Variants in DNM1L observed in about 807,000 individuals in gnomAD.
DNM1L encodes dynamin-1-like protein.
DNM1L carries 33 observed loss-of-function variants against 92.8 expected under a neutral mutation model. The ratio of observed to expected loss-of-function variants is 0.36; its 90% CI spans 0.27 to 0.48. The LOEUF (loss-of-function observed/expected upper bound fraction) is 0.48, where lower values mean the gene tolerates loss of function less well. Among genes scored for constraint, DNM1L ranks in the 20% least tolerant of loss-of-function variants. The pLI is 0.99. For synonymous variants in DNM1L, 284 were observed against 305.0 expected, an observed-to-expected ratio of 0.93 and a Z score of 0.72; for missense variants, 485 against 888.8, an observed-to-expected ratio of 0.55 and a Z score of 5.78.
chr12:32,729,233 T>C (rs1398934749), intron 9 of DNM1L, among the ~76,000 whole-genome samples: 2 of 151,822 alleles, frequency 1.3e-5, no homozygotes, highest in Non-Finnish European at 2.9e-5. Flanking sequence ...AGGCGCGCAC[T>C]ACTATGCCCG....
At position 32,701,520 on chromosome 12, in the gene DNM1L, G is replaced by T. The variant is rs1952699946; in HGVS notation, c.208G>T (p.Val70Phe). The T allele has an allele frequency of 6.2e-7, 1 of 1,613,838 alleles. No individual in the cohort carries two copies. Among genetic ancestry groups the T allele is most frequent in the Admixed American group, 1.7e-5 (1 of 59,994 alleles). Residue 70 changes from valine to phenylalanine, a missense_variant, in exon 2 of 20, where the codon GTT (valine) becomes TTT (phenylalanine). This residue lies in a region of DNM1L where 159 missense variants were observed against 275.9 expected (regional missense o/e 0.58). Coordinates refer to ENST00000549701, the MANE Select transcript of DNM1L (RefSeq NM_012062.5). The part of the protein sequence containing the change: ...RRPLILQLVH[V>F]SQEDKRKTTG... ...ACCTCTCATTCTGCAACTGGTCCAT[G>T]TTTCACAAGAAGATAAACGGAAAAC...
At chr12:32,723,863 G>GT (rs1953936959) in intron 9 of DNM1L, among the ~76,000 whole-genome samples, 1 of 152,144 alleles carries the variant, frequency 6.6e-6, no homozygotes, top group Non-Finnish European at 1.5e-5. Flanking sequence ...AGGATTTCCA[G>GT]TAGTAAGTTA....
intron 6 of DNM1L, among the ~76,000 whole-genome samples, chr12:32,716,596 G>A (rs1369061638): frequency 2.0e-5 from 3 of 151,896 alleles, no homozygotes; most frequent in Non-Finnish European, 4.4e-5. Flanking sequence ...TAGGATTACA[G>A]GCATGGGCCA....
rs1227905101 is a variant in DNM1L at position 32,745,046 on chromosome 12, C to T, written c.*1636C>T. The T allele has an allele frequency of 2.0e-6, 1 of 508,886 alleles. No individual in the cohort carries two copies. The highest frequency in any genetic ancestry group is 1.4e-5 in the South Asian group (1 of 69,380). The allele number at this position is 508,886 out of a possible 1,614,324, so 31.5% of individuals were successfully genotyped here. On this transcript the variant is annotated 3_prime_UTR_variant, in exon 20 of 20. Coordinates refer to ENST00000549701, the MANE Select transcript of DNM1L (RefSeq NM_012062.5). ...CTTATGGCATCAATTTACTAAGGAA[C>T]AACAGGCTCACCAACTGATGTCAAA...
chr12:32,679,811 G>A, intron 1 of DNM1L: 1 of 1,018,806 alleles, frequency 9.8e-7, no homozygotes, highest in South Asian at 4.6e-5. Flanking sequence ...GCGTGCCGCT[G>A]CCTCCAAGGG....
At chr12:32,742,888 CTTTTTT>C (rs36039451) in intron 19 of DNM1L, 140 bp downstream of exon 19, 621 of 247,844 alleles carry the variant, frequency 2.5e-3, no homozygotes, top group South Asian at 5.1e-3. Context: ...TGATAAGAAT[CTTTTTT>C]TTTTTTTTTT....
intron 9 of DNM1L, among the ~76,000 whole-genome samples, chr12:32,724,794 C>T (rs1330788629): frequency 6.6e-6 from 1 of 150,830 alleles, no homozygotes; most frequent in African/African-American, 2.4e-5. Flanking sequence ...AGTGTCAACA[C>T]TGGCATTACA....
At chr12:32,727,517 T>G in intron 9 of DNM1L, 1 of 551,270 alleles carries the variant, frequency 1.8e-6, no homozygotes. Flanking sequence ...AGAGACCCTA[T>G]CTCTGAAAAT....
chr12:32,716,465 A>G lies in DNM1L; in HGVS notation c.620-2178A>G, dbSNP rs1268635805. Reference sequence around the variant, plus strand: ...TCCCACCTCAGCCTCACCTGTAGCTAGGACTACCACACCCTGCTACGTTTT... The same window carrying G: ...TCCCACCTCAGCCTCACCTGTAGCTGGGACTACCACACCCTGCTACGTTTT... On this transcript the variant is annotated intron_variant, in intron 6 of 19. Transcript: ENST00000549701. Among the ~76,000 whole-genome samples the G allele has an allele frequency of 2.6e-5, 4 of 152,014 alleles. No homozygotes were observed. The East Asian group carries it at 5.8e-4, about 22-fold the overall frequency.
intron 7 of DNM1L, 50 bp downstream of exon 7, chr12:32,718,813 G>C: frequency 6.2e-7 from 1 of 1,606,946 alleles, no homozygotes; most frequent in Non-Finnish European, 8.5e-7. Flanking sequence ...CTTAGAATGG[G>C]ATAAGCATTC....
chr12:32,737,742 T>G (rs552496486), intron 14 of DNM1L, 123 bp from the exon 15 acceptor site: 1 of 777,260 alleles, frequency 1.3e-6, no homozygotes, highest in Non-Finnish European at 2.2e-6. Flanking sequence ...CTCCCATGAT[T>G]ATTTTCATCT....
At chr12:32,681,596 G>GC (rs1441426103) in intron 1 of DNM1L, among the ~76,000 whole-genome samples, 13 of 15,614 alleles carry the variant, frequency 8.3e-4, no homozygotes, top group South Asian at 2.0e-3. Context: ...TCCCCACACC[G>GC]CCCCCCCGCC....
chr12:32,723,772 AAAAC>A (rs1178549068), intron 9 of DNM1L, among the ~76,000 whole-genome samples: 5 of 151,596 alleles, frequency 3.3e-5, no homozygotes, highest in Admixed American at 2.0e-4. Context: ...TACGGCTACC[AAAAC>A]AAACAAAAAA....
chr12:32,701,408 T>G lies in DNM1L; in HGVS notation c.103-7T>G, dbSNP rs745949905. Reference sequence around the variant, plus strand: ...TCATTTTGCTCTTGTATATATTCTGTTTTCAGAGCAGCGGAAAGAGCTCAG... The same window carrying G: ...TCATTTTGCTCTTGTATATATTCTGGTTTCAGAGCAGCGGAAAGAGCTCAG... On this transcript the variant is annotated splice_region_variant and splice_polypyrimidine_tract_variant and intron_variant, in intron 1 of 19. Coordinates refer to ENST00000549701, the MANE Select transcript of DNM1L (RefSeq NM_012062.5). 6.2e-7 allele frequency: 1 copy of G among 1,613,696 alleles called. No individual in the cohort carries two copies. The highest frequency in any genetic ancestry group is 1.7e-5 in the Admixed American group (1 of 60,008).
At position 32,717,309 on chromosome 12, in the gene DNM1L, A is replaced by G. The variant is rs1411060071; in HGVS notation, c.620-1334A>G. On this transcript the variant is annotated intron_variant, in intron 6 of 19. Transcript: ENST00000549701. ...ACACTATATATTTTATATATACTAT[A>G]TATTATATATACACTATATATTTTA... is the stretch of plus-strand genomic sequence containing the variant. 3.4e-3 allele frequency among the ~76,000 whole-genome samples: 284 copies of G among 82,646 alleles called. 7 individuals are homozygous for G. Among genetic ancestry groups the G allele is most frequent in the African/African-American group, 0.014 (267 of 19,182 alleles). 54.2% of individuals were successfully genotyped at this position (82,646 alleles called of 152,430 possible).
At chr12:32,725,495 A>G (rs559154150) in intron 9 of DNM1L, 1 of 152,366 alleles carries the variant, frequency 6.6e-6, no homozygotes, top group African/African-American at 2.4e-5. Context: ...GAGTCAGGTT[A>G]CTTTACAGTT....
chr12:32,687,564 TC>T (rs752665397), intron 1 of DNM1L, among the ~76,000 whole-genome samples: 2 of 152,210 alleles, frequency 1.3e-5, no homozygotes, highest in South Asian at 2.1e-4. Flanking sequence ...TGCCTCATCC[TC>T]CCAAGTAGCT....
chr12:32,703,450 G>C (rs1465006143), intron 2 of DNM1L, among the ~76,000 whole-genome samples: 1 of 151,912 alleles, frequency 6.6e-6, no homozygotes, highest in East Asian at 1.9e-4. Flanking sequence ...TTTCATCAAA[G>C]CTTCTTTATC....
chr12:32,687,090 T>C (rs1052709956), intron 1 of DNM1L, among the ~76,000 whole-genome samples: 1 of 152,090 alleles, frequency 6.6e-6, no homozygotes, highest in African/African-American at 2.4e-5. Flanking sequence ...CTTGTCTTTT[T>C]GCTTCCTTGT....
Sources: allele counts gnomAD v4.1 joint callset (sites outside exome capture counted in the v4.1 genomes callset), GRCh38; gene constraint gnomAD v4.1.1; regional missense constraint gnomAD v4.1.1; transcripts MANE v1.5; gene names NCBI Gene and HGNC (gene_info 2026-07-23, HGNC 2026-07-21).